The following ZNF316 variants were observed in gnomAD, a reference collection of about 807,000 sequenced individuals.
The protein encoded by ZNF316 is zinc finger protein 316.
Under a neutral mutation model 75.6 loss-of-function variants are expected in ZNF316, and 23 were observed. The observed-to-expected ratio is 0.30, with a 90% CI of 0.22 to 0.43. ZNF316 has a LOEUF of 0.43. ZNF316 is among the 20% of genes least tolerant of loss of function. The pLI, the probability that ZNF316 is intolerant of heterozygous loss-of-function variation, is 1.00. For missense variants in ZNF316, 1,266 were observed against 1,409.4 expected, an observed-to-expected ratio of 0.90 and a Z score of 1.63; for synonymous variants, 827 against 666.2, an observed-to-expected ratio of 1.24 and a Z score of -3.72.
At position 6,657,157 on chromosome 7, in the gene ZNF316, C is replaced by T. The variant is rs991487240; in HGVS notation, c.*2546C>T. Reference sequence around the variant, plus strand: ...TACAGGCATGTGCCACCATGCCCAGCGAGTTTTTTTGTATTTTTAGTAGAG... The same window carrying T: ...TACAGGCATGTGCCACCATGCCCAGTGAGTTTTTTTGTATTTTTAGTAGAG... On this transcript the variant is annotated 3_prime_UTR_variant, in exon 9 of 9. Coordinates refer to ENST00000382252, the MANE Select transcript of ZNF316 (RefSeq NM_001278559.2). Among the ~76,000 whole-genome samples, 1 of 151,846 alleles carries T rather than the reference C, an allele frequency of 6.6e-6. No homozygotes were observed. The highest frequency in any genetic ancestry group is 2.4e-5 in the African/African-American group (1 of 41,338).
chr7:6,651,993 C>T (rs1374293870), intron 8 of ZNF316, among the ~76,000 whole-genome samples: 1 of 152,192 alleles, frequency 6.6e-6, no homozygotes, highest in African/African-American at 2.4e-5. Flanking sequence ...GTGGCAAGCC[C>T]TGGAGGGAGC....
In ZNF316 at chr7:6,640,416, C is replaced by T. The variant is rs570651445; in HGVS notation, c.-167+1275C>T. 1.2e-3 allele frequency among the ~76,000 whole-genome samples: 179 copies of T among 152,094 alleles called. No individual in the cohort carries two copies. The highest frequency in any genetic ancestry group is 1.6e-3 in the Non-Finnish European group (111 of 67,978). On this transcript the variant is annotated intron_variant, in intron 3 of 8. Coordinates refer to ENST00000382252, the MANE Select transcript of ZNF316 (RefSeq NM_001278559.2). The surrounding 1 kb of genome is among the most constrained non-coding windows in gnomAD (Gnocchi z 5.1). ...GAGGGGGAGTAGGTATGTCACATGG[C>T]GAAAACAGGAACAAGCAAGAGAGAG...
chr7:6,650,908 G>A (rs1262133300), intron 8 of ZNF316, among the ~76,000 whole-genome samples: 1 of 152,184 alleles, frequency 6.6e-6, no homozygotes, highest in African/African-American at 2.4e-5. Flanking sequence ...CGATGTCTTA[G>A]GTGTTTGAGC....
chr7:6,650,505 C>T (rs1410460722), intron 8 of ZNF316, among the ~76,000 whole-genome samples: 1 of 152,146 alleles, frequency 6.6e-6, no homozygotes, highest in African/African-American at 2.4e-5. Context: ...CTGTGTTTTC[C>T]TGCGGCTCTA....
chr7:6,648,049 G>A (rs1423094113), intron 8 of ZNF316, among the ~76,000 whole-genome samples: 1 of 152,212 alleles, frequency 6.6e-6, no homozygotes, highest in East Asian at 1.9e-4. Context: ...CAGGGCCTGG[G>A]GACAGAAGCT....
Position 6,642,573 on chromosome 7 carries a change from A to T in ZNF316, c.164A>T (p.Glu55Val). 8.3e-7 allele frequency: 1 copy of T among 1,210,280 alleles called. No homozygotes were observed. The highest frequency in any genetic ancestry group is 1.0e-6 in the Non-Finnish European group (1 of 967,268). The allele number at this position is 1,210,280 out of a possible 1,614,324, so 75.0% of individuals were successfully genotyped here. The change falls in exon 5 of 9, where the codon GAG becomes GTG. Residue 55 changes from glutamate to valine, a missense_variant. Around this residue, in one of 3 missense-constraint regions of ZNF316, gnomAD observed 961 missense variants for 990.9 expected, o/e 0.97. Coordinates refer to ENST00000382252, the MANE Select transcript of ZNF316 (RefSeq NM_001278559.2). The surrounding 1 kb of genome is among the most constrained non-coding windows in gnomAD (Gnocchi z 8.1). ...GAGGAGGAGGAGATAGTGGTGGAGG[A>T]GGAGGAGGAGGGTGTGGCAGAGGTA... ...EEEEEEIVVE[E>V]EEEGVAEVVQ...
chr7:6,650,141 G>A (rs1397036655), intron 8 of ZNF316, among the ~76,000 whole-genome samples: 1 of 152,206 alleles, frequency 6.6e-6, no homozygotes, highest in Non-Finnish European at 1.5e-5. Context: ...CTGCATCAGA[G>A]CCTCAGGGTG....
chr7:6,646,667 C>T (rs1052174199), intron 8 of ZNF316, among the ~76,000 whole-genome samples: 1 of 152,064 alleles, frequency 6.6e-6, no homozygotes, highest in African/African-American at 2.4e-5. Flanking sequence ...TGATCCATAG[C>T]CTGTGTACTG....
Position 6,653,863 on chromosome 7 carries a change from TCGCCCGCGGCTCGCACTTGGCGG to T in ZNF316, c.2271_2293del (p.Gly759AlafsTer125). On this transcript the variant is annotated frameshift_variant, in exon 9 of 9. Transcript: ENST00000382252. LOFTEE classifies it high-confidence loss of function. ...CCGTGCCCCGAGTGCGGCGCGCGGT[TCGCCCGCGGCTCGCACTTGGCGG>T]CGCACGTGCGCGGCCACACGGGCGA... The T allele has an allele frequency of 9.2e-7, 1 of 1,084,962 alleles. No individual in the cohort carries two copies. Among genetic ancestry groups the T allele is most frequent in the Non-Finnish European group, 1.1e-6 (1 of 893,344 alleles). 67.2% of individuals were successfully genotyped at this position (1,084,962 alleles called of 1,614,324 possible).
Position 6,653,421 on chromosome 7 carries a change from C to T in ZNF316, c.1825C>T (p.His609Tyr). 1.6e-6 allele frequency: 2 copies of T among 1,228,142 alleles called. No individual in the cohort carries two copies. Among genetic ancestry groups the T allele is most frequent in the Non-Finnish European group, 2.0e-6 (2 of 985,992 alleles). The allele number at this position is 1,228,142 out of a possible 1,614,324, so 76.1% of individuals were successfully genotyped here. ...HFPVHPKSWLHPDSFPILGLP... is the reference protein window; with the variant it reads ...HFPVHPKSWLYPDSFPILGLP... ...CCCCGTGCACCCCAAGTCCTGGCTG[C>T]ACCCGGACAGCTTCCCGATCCTGGG... is the stretch of plus-strand genomic sequence containing the variant. Residue 609 changes from histidine (H) to tyrosine (Y), a missense_variant, in exon 9 of 9, where the codon CAC becomes TAC. His to Tyr is a moderately conservative substitution (Grantham distance 83, BLOSUM62 2). This residue lies in a region of ZNF316 where 961 missense variants were observed against 990.9 expected (regional missense o/e 0.97). Coordinates refer to ENST00000382252, the MANE Select transcript of ZNF316 (RefSeq NM_001278559.2).
intron 8 of ZNF316, among the ~76,000 whole-genome samples, chr7:6,645,166 T>G (rs1465101239): frequency 6.6e-6 from 1 of 152,204 alleles, no homozygotes; most frequent in Non-Finnish European, 1.5e-5. Context: ...CCTTCAACTC[T>G]AAGGCCCCCT....
chr7:6,647,071 G>A (rs1409478171), intron 8 of ZNF316, among the ~76,000 whole-genome samples: 1 of 152,230 alleles, frequency 6.6e-6, no homozygotes, highest in East Asian at 1.9e-4. Flanking sequence ...GAGCAAGAAT[G>A]TGCCTGGAGA....
In ZNF316 at chr7:6,643,751, G is replaced by T. The variant is rs1378021276; in HGVS notation, c.466-71G>T. The stretch of plus-strand genomic sequence containing the variant: ...CTGACACCCATGCTGGAGAGCCTCA[G>T]TGGCCTCAATCTTCCGTGGCTCTTT... On this transcript the variant is annotated intron_variant, in intron 6 of 8. Coordinates refer to ENST00000382252, the MANE Select transcript of ZNF316 (RefSeq NM_001278559.2). 1.5e-4 allele frequency: 187 copies of T among 1,223,940 alleles called. 1 individual carries two copies. The highest frequency in any genetic ancestry group is 5.1e-6 in the Non-Finnish European group (5 of 981,082). The allele number at this position is 1,223,940 out of a possible 1,614,324, so 75.8% of individuals were successfully genotyped here. A position where few individuals can be genotyped will look rare whatever the true frequency, so the allele number is the denominator to read the frequency against.
In ZNF316 at chr7:6,642,968, G is replaced by T; in HGVS notation, c.360G>T (p.Leu120=). 8.1e-7 allele frequency: 1 copy of T among 1,233,264 alleles called. No homozygotes were observed. Among genetic ancestry groups the T allele is most frequent in the Non-Finnish European group, 1.0e-6 (1 of 988,738 alleles). 76.4% of individuals were successfully genotyped at this position (1,233,264 alleles called of 1,614,324 possible). A position where few individuals can be genotyped will look rare whatever the true frequency, so the allele number is the denominator to read the frequency against. The change falls in exon 6 of 9, where the codon CTG becomes CTT. Residue 120 remains leucine (L), a synonymous_variant. Coordinates refer to ENST00000382252, the MANE Select transcript of ZNF316 (RefSeq NM_001278559.2). This position sits in a 1 kb window ranked among gnomAD's most constrained non-coding sequence, Gnocchi z 8.1. The stretch of plus-strand genomic sequence containing the variant: ...CTAAGAGATCTCTCCCCACAGGCCT[G>T]CAGGCCTCCCGGGCTCCAGCCACTC... ...AKSPVLQEKG[L]QASRAPATPR... is the part of the protein sequence containing the mutation.
chr7:6,654,270 T>G lies in ZNF316; in HGVS notation c.2674T>G (p.Cys892Gly). 1.6e-6 allele frequency: 2 copies of G among 1,224,226 alleles called. No homozygotes were observed. The allele number at this position is 1,224,226 out of a possible 1,614,324, so 75.8% of individuals were successfully genotyped here. A position where few individuals can be genotyped will look rare whatever the true frequency, so the allele number is the denominator to read the frequency against. Residue 892 changes from cysteine to glycine, a missense_variant, in exon 9 of 9, where the codon TGC becomes GGC. Around this residue, in one of 3 missense-constraint regions of ZNF316, gnomAD observed 194 missense variants for 319.2 expected, o/e 0.61. Transcript: ENST00000382252. ...TGERPFPCPE[C>G]GKRFSQRSVL... is the part of the protein sequence containing the mutation. ...CGAACGCCCCTTCCCGTGCCCTGAG[T>G]GCGGCAAGCGCTTTTCGCAGCGCTC...
At position 6,637,811 on chromosome 7, in the gene ZNF316, G is replaced by A. The variant is rs929248505; in HGVS notation, c.-430-35G>A. On this transcript the variant is annotated intron_variant, in intron 1 of 8. Coordinates refer to ENST00000382252, the MANE Select transcript of ZNF316 (RefSeq NM_001278559.2). This position sits in a 1 kb window ranked among gnomAD's most constrained non-coding sequence, Gnocchi z 6.2. ...GGGGCTGGGCCGCGGCCGCCCCCAG[G>A]ACACACCCATCCAGGAGGGGCTGTC... 1 of 152,150 alleles carries A rather than the reference G, an allele frequency of 6.6e-6. No homozygotes were observed. Among genetic ancestry groups the A allele is most frequent in the African/African-American group, 2.4e-5 (1 of 41,438 alleles). The allele number at this position is 152,150 out of a possible 1,614,324, so 9.4% of individuals were successfully genotyped here. A position where few individuals can be genotyped will look rare whatever the true frequency, so the allele number is the denominator to read the frequency against.
Position 6,652,959 on chromosome 7 carries a change from C to T in ZNF316, c.1363C>T (p.Arg455Ter). ...GCACCAGCGCACGCACACCGGCGAG[C>T]GACCCTACCCGTGTTCGCACTGCGG... ...VTHQRTHTGE[R>*]PYPCSHCGRS... Residue 455 changes from arginine (R) to a stop codon, truncating the protein, a stop_gained, in exon 9 of 9, where the codon CGA (arginine) becomes TGA (stop). Transcript: ENST00000382252. LOFTEE classifies it high-confidence loss of function. 1.6e-6 allele frequency: 2 copies of T among 1,241,570 alleles called. No homozygotes were observed. The highest frequency in any genetic ancestry group is 1.5e-5 in the African/African-American group (1 of 64,534). 76.9% of individuals were successfully genotyped at this position (1,241,570 alleles called of 1,614,324 possible). A position where few individuals can be genotyped will look rare whatever the true frequency, so the allele number is the denominator to read the frequency against.
intron 8 of ZNF316, 60 bp from the exon 9 acceptor site, chr7:6,652,243 C>G (rs1406699993): frequency 4.9e-6 from 6 of 1,227,054 alleles, no homozygotes; most frequent in Non-Finnish European, 6.1e-6. Context: ...CAGGAACCTG[C>G]CAGAGGCTCC....
Position 6,655,686 on chromosome 7 carries a change from A to G in ZNF316, c.*1075A>G, listed in dbSNP as rs776573356. ...TCCCTTTAACTCTGCTTCTGTCATT[A>G]CACTAGAACAAGTAGTGTTTCTGTT... On this transcript the variant is annotated 3_prime_UTR_variant, in exon 9 of 9. Coordinates refer to ENST00000382252, the MANE Select transcript of ZNF316 (RefSeq NM_001278559.2). 6.6e-6 allele frequency: 1 copy of G among 152,212 alleles called. No individual in the cohort carries two copies. The highest frequency in any genetic ancestry group is 2.1e-4 in the South Asian group (1 of 4,832). The allele number at this position is 152,212 out of a possible 1,614,324, so 9.4% of individuals were successfully genotyped here.
Sources: gnomAD v4.1 joint callset for allele counts (sites outside exome capture counted in the v4.1 genomes callset) on GRCh38, gnomAD v4.1.1 for gene constraint, gnomAD v4.1.1 regional missense constraint, Gnocchi (gnomAD v3.1) non-coding constraint, MANE v1.5 for transcripts, NCBI Gene and HGNC (gene_info 2026-07-23, HGNC 2026-07-21) for gene names.